Variants in LYPD1 observed in about 807,000 individuals in gnomAD.
LYPD1 encodes ly6/PLAUR domain-containing protein 1.
LYPD1 carries 14 observed loss-of-function variants against 14.2 expected under a neutral mutation model. That is an observed-to-expected ratio of 0.99 (90% CI 0.65 to 1.54). The LOEUF is 1.54. Ranked by LOEUF, LYPD1 falls within the 40% of genes most tolerant of loss-of-function variation. The pLI, the probability that LYPD1 is intolerant of heterozygous loss-of-function variation, is 0.00. For missense variants in LYPD1, 165 were observed against 175.7 expected (o/e 0.94, Z 0.34); for synonymous variants, 85 against 70.6 (o/e 1.20, Z -1.02).
At chr2:132,653,351 G>A (rs1158868430) in intron 2 of LYPD1, among the ~76,000 whole-genome samples, 1 of 152,178 alleles carries the variant, frequency 6.6e-6, no homozygotes, top group African/African-American at 2.4e-5. Context: ...GGACAGAGCT[G>A]GAGCAATTTG....
chr2:132,659,316 G>T (rs1378829322), intron 2 of LYPD1, among the ~76,000 whole-genome samples: 1 of 152,188 alleles, frequency 6.6e-6, no homozygotes, highest in African/African-American at 2.4e-5. Flanking sequence ...GTGAGTGTGT[G>T]TGTCTGTGTA....
At chr2:132,656,655 G>T (rs892515896) in intron 2 of LYPD1, among the ~76,000 whole-genome samples, 27 of 152,170 alleles carry the variant, frequency 1.8e-4, no homozygotes, top group Non-Finnish European at 4.4e-5. Context: ...CCGTTTATCA[G>T]GAATAAAGAG....
chr2:132,669,201 C>T lies in LYPD1; in HGVS notation c.53-664G>A, dbSNP rs1429552516. Among the ~76,000 whole-genome samples the T allele has an allele frequency of 6.6e-6, 1 of 152,136 alleles. No homozygotes were observed. The highest frequency in any genetic ancestry group is 2.4e-5 in the African/African-American group (1 of 41,450). On this transcript the variant is annotated intron_variant, in intron 1 of 2. Coordinates refer to ENST00000397463, the MANE Select transcript of LYPD1 (RefSeq NM_144586.7). The surrounding 1 kb of genome is among the most constrained non-coding windows in gnomAD (Gnocchi z 4.3). ...AAAGGGCGTTTGTGAGCGCGCGCAC[C>T]CTGGATCCCCGACCCCGCAGCCCTT... is the stretch of plus-strand genomic sequence containing the variant.
Position 132,645,654 on chromosome 2 carries a change from G to GAAAACGTCA in LYPD1, c.*382_*390dup, listed in dbSNP as rs773368569. 6.4e-7 allele frequency: 1 copy of GAAAACGTCA among 1,567,764 alleles called. No individual in the cohort carries two copies. The highest frequency in any genetic ancestry group is 1.4e-5 in the African/African-American group (1 of 73,248). On this transcript the variant is annotated 3_prime_UTR_variant, in exon 3 of 3. Coordinates refer to ENST00000397463, the MANE Select transcript of LYPD1 (RefSeq NM_144586.7). ...GTGGGAACTGGCCCTCCAGCCCTAA[G>GAAAACGTCA]AAAACGTCACTCTCACTCTGCAGTC... is the stretch of plus-strand genomic sequence containing the variant.
intron 2 of LYPD1, among the ~76,000 whole-genome samples, chr2:132,658,273 T>C (rs1172298597): frequency 6.6e-6 from 1 of 152,218 alleles, no homozygotes; most frequent in East Asian, 1.9e-4. Flanking sequence ...GACTATCTTG[T>C]TACATAAACA....
intron 2 of LYPD1, among the ~76,000 whole-genome samples, chr2:132,661,514 A>G (rs1294089301): frequency 6.6e-6 from 1 of 152,194 alleles, no homozygotes; most frequent in Non-Finnish European, 1.5e-5. Context: ...TTCTTTTTAG[A>G]TATCTGCCCC....
chr2:132,659,513 T>C (rs1378386242), intron 2 of LYPD1, among the ~76,000 whole-genome samples: 1 of 152,224 alleles, frequency 6.6e-6, no homozygotes, highest in Non-Finnish European at 1.5e-5. Context: ...CCAGGCAAAC[T>C]GAGCTGCTGG....
intron 2 of LYPD1, among the ~76,000 whole-genome samples, chr2:132,661,424 A>G (rs1304291956): frequency 1.3e-5 from 2 of 149,548 alleles, no homozygotes; most frequent in Admixed American, 6.6e-5. Flanking sequence ...GTGGAGTTCT[A>G]AGATTCACAG....
chr2:132,648,468 G>GTGTT (rs1682231128), intron 2 of LYPD1, among the ~76,000 whole-genome samples: 1 of 113,298 alleles, frequency 8.8e-6, no homozygotes, highest in Non-Finnish European at 1.8e-5. Context: ...TAAAGTCCGT[G>GTGTT]TGTTTGCACA....
intron 2 of LYPD1, among the ~76,000 whole-genome samples, chr2:132,665,444 C>A (rs1380543517): frequency 6.6e-6 from 1 of 152,182 alleles, no homozygotes; most frequent in African/African-American, 2.4e-5. Flanking sequence ...CTTTTGACAT[C>A]CACTTCATGG....
intron 2 of LYPD1, among the ~76,000 whole-genome samples, chr2:132,647,426 G>GTGTA (rs780188061): frequency 3.0e-4 from 46 of 152,308 alleles, no homozygotes; most frequent in Non-Finnish European, 5.7e-4. Context: ...AGCTTTTGTT[G>GTGTA]TGTATGTATG....
In LYPD1 at chr2:132,670,058, C is replaced by G; in HGVS notation, c.-126G>C. 6.5e-7 allele frequency: 1 copy of G among 1,528,240 alleles called. No homozygotes were observed. Among genetic ancestry groups the G allele is most frequent in the Non-Finnish European group, 8.7e-7 (1 of 1,146,674 alleles). The allele number at this position is 1,528,240 out of a possible 1,614,324, so 94.7% of individuals were successfully genotyped here. A position where few individuals can be genotyped will look rare whatever the true frequency, so the allele number is the denominator to read the frequency against. ...GGGGCCCGCGCTGCTGCCGCGGAGACGACGGTCGTAGCTTAGAGGAGCCGC... is the reference window on the plus strand; with the variant it reads ...GGGGCCCGCGCTGCTGCCGCGGAGAGGACGGTCGTAGCTTAGAGGAGCCGC... On this transcript the variant is annotated 5_prime_UTR_variant, in exon 1 of 3. Transcript: ENST00000397463. This position sits in a 1 kb window ranked among gnomAD's most constrained non-coding sequence, Gnocchi z 4.5.
At chr2:132,660,167 G>A (rs1003489483) in intron 2 of LYPD1, among the ~76,000 whole-genome samples, 1 of 152,238 alleles carries the variant, frequency 6.6e-6, no homozygotes, top group Non-Finnish European at 1.5e-5. Context: ...TCCATGTCCA[G>A]TGAGAAATGA....
intron 2 of LYPD1, among the ~76,000 whole-genome samples, chr2:132,652,575 G>A (rs149178294): frequency 1.1e-4 from 16 of 152,222 alleles, no homozygotes; most frequent in East Asian, 3.9e-4. Context: ...AACGTGGCTC[G>A]GATAATCCCA....
chr2:132,653,497 C>T (rs1460940602), intron 2 of LYPD1, among the ~76,000 whole-genome samples: 1 of 152,062 alleles, frequency 6.6e-6, no homozygotes, highest in Non-Finnish European at 1.5e-5. Context: ...CAGAAGGATT[C>T]CAGTTAATAA....
In LYPD1 at chr2:132,643,373, G is replaced by T. The variant is rs1419078712; in HGVS notation, c.*2672C>A. Among the ~76,000 whole-genome samples, 5 of 152,170 alleles carry T rather than the reference G, an allele frequency of 3.3e-5. No homozygotes were observed. The highest frequency in any genetic ancestry group is 1.2e-4 in the African/African-American group (5 of 41,450). On this transcript the variant is annotated 3_prime_UTR_variant, in exon 3 of 3. Coordinates refer to ENST00000397463, the MANE Select transcript of LYPD1 (RefSeq NM_144586.7). The stretch of plus-strand genomic sequence containing the variant: ...ATTAACAAAGGAGAAGAGTTTCCAA[G>T]GCCTTCCTTGCTCACATATGGATTT...
At chr2:132,652,587 C>T (rs1250458648) in intron 2 of LYPD1, among the ~76,000 whole-genome samples, 1 of 152,174 alleles carries the variant, frequency 6.6e-6, no homozygotes, top group Admixed American at 6.5e-5. Flanking sequence ...ATAATCCCAG[C>T]TTGGACCAGC....
At chr2:132,665,192 C>T (rs1043537834) in intron 2 of LYPD1, among the ~76,000 whole-genome samples, 13 of 152,174 alleles carry the variant, frequency 8.5e-5, no homozygotes, top group Non-Finnish European at 1.9e-4. Context: ...TTAAATGTAC[C>T]TGCCTCAAAA....
At chr2:132,665,301 G>A (rs1046248283) in intron 2 of LYPD1, among the ~76,000 whole-genome samples, 2 of 152,174 alleles carry the variant, frequency 1.3e-5, no homozygotes, top group Non-Finnish European at 2.9e-5. Context: ...TTTCATTACT[G>A]CTTAATGTCA....
Sources: gnomAD v4.1 joint callset for allele counts (sites outside exome capture counted in the v4.1 genomes callset) on GRCh38, gnomAD v4.1.1 for gene constraint, Gnocchi (gnomAD v3.1) non-coding constraint, MANE v1.5 for transcripts, NCBI Gene and HGNC (gene_info 2026-07-23, HGNC 2026-07-21) for gene names.